TMEM132D: variants seen among roughly 807,000 people sequenced by gnomAD.
TMEM132D encodes mature OL transmembrane protein.
TMEM132D carries 21 observed loss-of-function variants against 62.3 expected under a neutral mutation model. That is an observed-to-expected ratio of 0.34 (90% CI 0.24 to 0.49). TMEM132D has a LOEUF of 0.49. Ranked by LOEUF, TMEM132D falls within the 20% of genes least tolerant of loss-of-function variation. The pLI, the probability that TMEM132D is intolerant of heterozygous loss-of-function variation, is 0.99. For synonymous variants in TMEM132D, 621 were observed against 575.6 expected (o/e 1.08, Z -1.13); for missense variants, 1,346 against 1,402.8 (o/e 0.96, Z 0.65).
intron 5 of TMEM132D, among the ~76,000 whole-genome samples, chr12:129,136,963 A>G (rs1049774299): frequency 2.0e-5 from 3 of 149,672 alleles, no homozygotes; most frequent in African/African-American, 7.4e-5. Flanking sequence ...CACCATCATT[A>G]TCATCATCAC....
chr12:129,792,789 G>T (rs548516254), intron 1 of TMEM132D, among the ~76,000 whole-genome samples: 2 of 152,154 alleles, frequency 1.3e-5, no homozygotes, highest in African/African-American at 4.8e-5. Flanking sequence ...AGACATTATC[G>T]AAGGGAAGAG....
chr12:129,579,922 T>C (rs981268245), intron 2 of TMEM132D, among the ~76,000 whole-genome samples: 1 of 152,274 alleles, frequency 6.6e-6, no homozygotes, highest in African/African-American at 2.4e-5. Flanking sequence ...AAGTTGGGTA[T>C]GAGTGGTTTA....
chr12:129,568,876 T>C (rs990987995), intron 2 of TMEM132D, among the ~76,000 whole-genome samples: 4 of 152,118 alleles, frequency 2.6e-5, no homozygotes, highest in Non-Finnish European at 5.9e-5. Flanking sequence ...TCAGTATAAA[T>C]AGGGGCACAA....
At chr12:129,652,967 G>A (rs886511342) in intron 2 of TMEM132D, among the ~76,000 whole-genome samples, 4 of 152,156 alleles carry the variant, frequency 2.6e-5, no homozygotes, top group East Asian at 1.9e-4. Flanking sequence ...GAAAACAATC[G>A]TACGTATTTA....
chr12:129,447,638 A>G (rs558862129), intron 3 of TMEM132D, among the ~76,000 whole-genome samples: 1 of 152,204 alleles, frequency 6.6e-6, no homozygotes, highest in African/African-American at 2.4e-5. Context: ...CTTTCTTGCC[A>G]AAAGGTTCAT....
chr12:129,503,052 G>A (rs958633386), intron 3 of TMEM132D, among the ~76,000 whole-genome samples: 3 of 152,134 alleles, frequency 2.0e-5, no homozygotes, highest in Admixed American at 6.5e-5. Flanking sequence ...AATATTTAAC[G>A]AGTGAATGAA....
At chr12:129,803,737 T>C (rs943158185) in intron 1 of TMEM132D, among the ~76,000 whole-genome samples, 2 of 151,630 alleles carry the variant, frequency 1.3e-5, no homozygotes, top group African/African-American at 4.9e-5. Flanking sequence ...TTCAAAAAAT[T>C]AATGAATCAA....
At chr12:129,527,545 T>C (rs1014173490) in intron 3 of TMEM132D, among the ~76,000 whole-genome samples, 2 of 152,184 alleles carry the variant, frequency 1.3e-5, no homozygotes, top group African/African-American at 4.8e-5. Flanking sequence ...CTTAAATAAA[T>C]GTAAGTTTTT....
At chr12:129,393,543 T>C (rs1871346185) in intron 3 of TMEM132D, among the ~76,000 whole-genome samples, 1 of 152,196 alleles carries the variant, frequency 6.6e-6, no homozygotes, top group Non-Finnish European at 1.5e-5. Flanking sequence ...AGTCTGTGAC[T>C]TTCCTGTTTT....
chr12:129,074,584 T>A lies in TMEM132D; in HGVS notation c.2591A>T (p.Lys864Met). 6.2e-7 allele frequency: 1 copy of A among 1,614,086 alleles called. No individual in the cohort carries two copies. The highest frequency in any genetic ancestry group is 8.5e-7 in the Non-Finnish European group (1 of 1,180,022). The change falls in exon 9 of 9, where the codon AAG becomes ATG. Residue 864 changes from lysine (K) to methionine (M), a missense_variant. Lys to Met is a moderately conservative substitution (Grantham distance 95). Transcript: ENST00000422113. ...TAAAAGGCTTTCCTGGCCTTTCTTCTTCTGCAGGATGGACCTGTCTGTCGT... is the reference window on the plus strand; with the variant it reads ...TAAAAGGCTTTCCTGGCCTTTCTTCATCTGCAGGATGGACCTGTCTGTCGT... ...GTTTDRSILQ[K>M]KKGQESLLDD...
At position 129,843,138 on chromosome 12, in the gene TMEM132D, C is replaced by CT. The variant is rs1453476015; in HGVS notation, c.79+60122dup. Among the ~76,000 whole-genome samples the CT allele has an allele frequency of 2.0e-5, 3 of 152,092 alleles. No individual in the cohort carries two copies. In the East Asian group the frequency reaches 5.8e-4, roughly 29 times the overall value. On this transcript the variant is annotated intron_variant, in intron 1 of 8. Transcript: ENST00000422113. ...ACTGCCTGTAAGATGTTGTTTAACT[C>CT]TAACAGTATTTTTTTCAATATACTT...
intron 1 of TMEM132D, among the ~76,000 whole-genome samples, chr12:129,770,877 C>T (rs1870723902): frequency 2.0e-5 from 3 of 152,188 alleles, no homozygotes; most frequent in Non-Finnish European, 4.4e-5. Flanking sequence ...ACTGCTTTTG[C>T]ACCATTGTAC....
intron 2 of TMEM132D, among the ~76,000 whole-genome samples, chr12:129,685,209 T>C (rs147609819): frequency 2.6e-5 from 4 of 152,250 alleles, no homozygotes; most frequent in African/African-American, 9.6e-5. Flanking sequence ...GGAAAAAATG[T>C]CTCCATGTCA....
intron 5 of TMEM132D, among the ~76,000 whole-genome samples, chr12:129,183,167 T>C (rs1309006833): frequency 6.6e-6 from 1 of 152,040 alleles, no homozygotes; most frequent in Non-Finnish European, 1.5e-5. Context: ...AAGACCAGGG[T>C]CAATATAAAG....
intron 1 of TMEM132D, among the ~76,000 whole-genome samples, chr12:129,797,842 C>T (rs1283625599): frequency 1.3e-5 from 2 of 150,508 alleles, no homozygotes; most frequent in Admixed American, 6.6e-5. Flanking sequence ...CAGGAGATTT[C>T]GGAGATACTA....
chr12:129,209,715 T>A, intron 4 of TMEM132D, 52 bp from the exon 5 acceptor site: 1 of 1,602,004 alleles, frequency 6.2e-7, no homozygotes, highest in Non-Finnish European at 8.5e-7. Flanking sequence ...GACGGCCCAG[T>A]CCCTGGGAGT....
chr12:129,360,853 C>T (rs116915854), intron 3 of TMEM132D, among the ~76,000 whole-genome samples: 3,182 of 152,242 alleles, frequency 0.021, 69 homozygotes, highest in Admixed American at 0.062. Context: ...CTGCCTTGCC[C>T]TGATGACGAA....
At chr12:129,474,315 T>C (rs1207329880) in intron 3 of TMEM132D, among the ~76,000 whole-genome samples, 1 of 152,232 alleles carries the variant, frequency 6.6e-6, no homozygotes, top group Non-Finnish European at 1.5e-5. Context: ...CTCTGGGCCA[T>C]GTACAATGGC....
chr12:129,494,833 C>T (rs1486731019), intron 3 of TMEM132D, among the ~76,000 whole-genome samples: 1 of 152,172 alleles, frequency 6.6e-6, no homozygotes, highest in Non-Finnish European at 1.5e-5. Context: ...CTCTCTCTCT[C>T]CCTCTCAGCT....
Sources: allele counts gnomAD v4.1 joint callset (sites outside exome capture counted in the v4.1 genomes callset), GRCh38; gene constraint gnomAD v4.1.1; transcripts MANE v1.5; gene names NCBI Gene and HGNC (gene_info 2026-07-23, HGNC 2026-07-21).